The following FBXL2 variants were observed in gnomAD, a reference collection of about 807,000 sequenced individuals.
The protein encoded by FBXL2 is F-box/LRR-repeat protein 2.
In FBXL2, 38 loss-of-function variants were observed where a neutral mutation model predicts 69.2. That is an observed-to-expected ratio of 0.55 (90% CI 0.42 to 0.72). The LOEUF (loss-of-function observed/expected upper bound fraction) is 0.72, where lower values mean the gene tolerates loss of function less well. Among genes scored for constraint, FBXL2 ranks in the 30% least tolerant of loss-of-function variants. FBXL2 has a pLI of 0.00. For missense variants in FBXL2, 354 were observed against 520.3 expected (o/e 0.68, Z 3.11); for synonymous variants, 192 against 201.3 (o/e 0.95, Z 0.39).
intron 1 of FBXL2, among the ~76,000 whole-genome samples, chr3:33,286,893 A>G (rs899900665): frequency 6.6e-6 from 1 of 152,186 alleles, no homozygotes; most frequent in African/African-American, 2.4e-5. Flanking sequence ...GGAAAAGCGC[A>G]GTATTAGAGT....
intron 13 of FBXL2, among the ~76,000 whole-genome samples, chr3:33,380,843 C>T (rs570795821): frequency 1.3e-5 from 2 of 152,274 alleles, no homozygotes; most frequent in South Asian, 4.1e-4. Flanking sequence ...TGCATCACTC[C>T]TGCCAGGGAT....
chr3:33,291,250 C>T (rs1369413024), intron 1 of FBXL2, among the ~76,000 whole-genome samples: 1 of 151,992 alleles, frequency 6.6e-6, no homozygotes. Context: ...TTTTAAAGTG[C>T]TGTATTTTTT....
At chr3:33,308,387 A>C (rs1248498513) in intron 2 of FBXL2, among the ~76,000 whole-genome samples, 1 of 152,190 alleles carries the variant, frequency 6.6e-6, no homozygotes, top group Non-Finnish European at 1.5e-5. Flanking sequence ...CAGTACACTG[A>C]ATTTATATCA....
At chr3:33,393,399 A>C in intron 12 of FBXL2, 2 of 1,613,640 alleles carry the variant, frequency 1.2e-6, no homozygotes, top group Non-Finnish European at 1.7e-6. Context: ...ACACCAGCGC[A>C]AGTTTTCGAG....
chr3:33,292,573 A>G (rs1049386371), intron 1 of FBXL2, among the ~76,000 whole-genome samples: 14 of 152,208 alleles, frequency 9.2e-5, no homozygotes, highest in Admixed American at 3.3e-4. Flanking sequence ...GAACACCACT[A>G]TCAACCAACT....
chr3:33,328,473 C>T (rs12486515), intron 2 of FBXL2, among the ~76,000 whole-genome samples: 13,962 of 152,174 alleles, frequency 0.092, 666 homozygotes, highest in Admixed American at 0.1. Flanking sequence ...GTAACCAAAT[C>T]TGTATGGTGC....
chr3:33,395,938 A>C (rs1237967467), intron 12 of FBXL2, among the ~76,000 whole-genome samples: 1 of 151,906 alleles, frequency 6.6e-6, no homozygotes, highest in Non-Finnish European at 1.5e-5. Flanking sequence ...CATGAAAAAC[A>C]GACCCATAGT....
At chr3:33,281,403 C>T (rs1326954605) in intron 1 of FBXL2, among the ~76,000 whole-genome samples, 2 of 152,144 alleles carry the variant, frequency 1.3e-5, no homozygotes, top group Non-Finnish European at 2.9e-5. Flanking sequence ...CATAGTATTC[C>T]ATGGTGTATA....
chr3:33,338,808 TA>T lies in FBXL2; in HGVS notation c.66-20154del, dbSNP rs531622702. Among the ~76,000 whole-genome samples the T allele has an allele frequency of 3.0e-4, 45 of 152,260 alleles. No individual in the cohort carries two copies. In the East Asian group the frequency reaches 8.7e-3, roughly 29 times the overall value. On this transcript the variant is annotated intron_variant, in intron 2 of 14. Coordinates refer to ENST00000484457, the MANE Select transcript of FBXL2 (RefSeq NM_012157.5). ...GGGTTAAAGACTTAAATGTAAAACC[TA>T]AAAATATAAAATCCCTGAAGAAAAC...
At chr3:33,312,710 A>G (rs1418078452) in intron 2 of FBXL2, among the ~76,000 whole-genome samples, 1 of 152,184 alleles carries the variant, frequency 6.6e-6, no homozygotes, top group South Asian at 2.1e-4. Flanking sequence ...TATTTATTTT[A>G]TTTATTTAAC....
chr3:33,346,894 A>G (rs373948363), intron 2 of FBXL2, among the ~76,000 whole-genome samples: 3 of 152,302 alleles, frequency 2.0e-5, no homozygotes, highest in East Asian at 3.9e-4. Context: ...ACTTTGATAC[A>G]GGCATGCAGT....
intron 2 of FBXL2, among the ~76,000 whole-genome samples, chr3:33,356,952 T>C (rs529607202): frequency 6.6e-6 from 1 of 152,270 alleles, no homozygotes; most frequent in South Asian, 2.1e-4. Context: ...TCCAAAGCAG[T>C]ATATGTAGTG....
intron 2 of FBXL2, among the ~76,000 whole-genome samples, chr3:33,321,725 C>G (rs2038239349): frequency 6.6e-6 from 1 of 152,174 alleles, no homozygotes. Flanking sequence ...TAGCGTGTTG[C>G]TCCTAGGCTA....
chr3:33,371,874 G>A (rs4261826), intron 5 of FBXL2, among the ~76,000 whole-genome samples: 11,972 of 152,104 alleles, frequency 0.079, 540 homozygotes, highest in South Asian at 0.11. Context: ...CTAATTATGC[G>A]CCACTCCTAA....
At chr3:33,349,948 GGT>G (rs1170023269) in intron 2 of FBXL2, among the ~76,000 whole-genome samples, 1 of 152,042 alleles carries the variant, frequency 6.6e-6, no homozygotes, top group African/African-American at 2.4e-5. Flanking sequence ...TGGTTTTACT[GGT>G]GAATTCTACC....
At position 33,334,957 on chromosome 3, in the gene FBXL2, C is replaced by T. The variant is rs189082838; in HGVS notation, c.66-24010C>T. The stretch of plus-strand genomic sequence containing the variant: ...CCCCCACCAAAAAAAATATGTATGT[C>T]GGGCATGGTGGTGCATACCTGTGGT... On this transcript the variant is annotated intron_variant, in intron 2 of 14. Transcript: ENST00000484457. Among the ~76,000 whole-genome samples the T allele has an allele frequency of 4.2e-3, 643 of 151,956 alleles. 1 individual carries two copies. Among genetic ancestry groups the T allele is most frequent in the Non-Finnish European group, 7.7e-3 (520 of 67,972 alleles).
intron 1 of FBXL2, among the ~76,000 whole-genome samples, chr3:33,286,033 T>C (rs1404163679): frequency 1.3e-5 from 2 of 152,182 alleles, no homozygotes; most frequent in African/African-American, 2.4e-5. Flanking sequence ...TCTGAAGCCT[T>C]CTTCTCTCAA....
chr3:33,340,895 CAAAAA>C (rs67092664), intron 2 of FBXL2, among the ~76,000 whole-genome samples: 4 of 86,562 alleles, frequency 4.6e-5, no homozygotes, highest in East Asian at 3.2e-4. Flanking sequence ...TTCCTTTGCC[CAAAAA>C]AAAAAAAAAA....
At chr3:33,318,109 G>A (rs551842171) in intron 2 of FBXL2, among the ~76,000 whole-genome samples, 99 of 147,436 alleles carry the variant, frequency 6.7e-4, no homozygotes, top group African/African-American at 2.4e-3. Context: ...AGCCCCAGAC[G>A]TCTTTTGTTT....
Sources: allele counts gnomAD v4.1 joint callset (sites outside exome capture counted in the v4.1 genomes callset), GRCh38; gene constraint gnomAD v4.1.1; transcripts MANE v1.5; gene names NCBI Gene and HGNC (gene_info 2026-07-23, HGNC 2026-07-21).